The following CEP44 variants were observed in gnomAD, a reference collection of about 807,000 sequenced individuals.
CEP44 encodes the protein centrosomal protein 44, also known as centrosomal protein of 44 kDa.
In CEP44, 45 loss-of-function variants were observed where a neutral mutation model predicts 46.7. That is an observed-to-expected ratio of 0.96 (90% CI 0.76 to 1.24). The LOEUF (loss-of-function observed/expected upper bound fraction) is 1.24, where lower values mean the gene tolerates loss of function less well. CEP44 is among the 50% of genes most tolerant of loss of function. The pLI, the probability that CEP44 is intolerant of heterozygous loss-of-function variation, is 0.00. For missense variants in CEP44, 475 were observed against 459.7 expected (o/e 1.03, Z -0.30); for synonymous variants, 142 against 146.0 (o/e 0.97, Z 0.20).
chr4:174,302,588 T>C (rs891389619), intron 4 of CEP44, among the ~76,000 whole-genome samples: 32 of 152,096 alleles, frequency 2.1e-4, no homozygotes, highest in African/African-American at 7.7e-4. Context: ...TAAACTGATA[T>C]ATTCTTTGAG....
chr4:174,308,882 A>G lies in CEP44; in HGVS notation c.678+23A>G, dbSNP rs908825780. ...CAGGTAACAACTTTGGACTTTTTAA[A>G]TAGATGCCAGTATTTTTTACTTAAA... is the stretch of plus-strand genomic sequence containing the variant. On this transcript the variant is annotated intron_variant, in intron 7 of 11. Transcript: ENST00000503780. 27 of 1,601,998 alleles carry G rather than the reference A, an allele frequency of 1.7e-5. No individual in the cohort carries two copies. In the Admixed American group the frequency reaches 3.1e-4, roughly 18 times the overall value.
intron 11 of CEP44, among the ~76,000 whole-genome samples, 200 bp from the exon 12 acceptor site, chr4:174,317,135 C>T (rs1741823741): frequency 6.6e-6 from 1 of 151,950 alleles, no homozygotes; most frequent in African/African-American, 2.4e-5. Context: ...ACTTAACTTA[C>T]ACTTCAAGAA....
At position 174,310,781 on chromosome 4, in the gene CEP44, A is replaced by T; in HGVS notation, c.886-2A>T. ...TCTAAATATTTAACTGTGTTATTCC[A>T]GAATGATGAATTTATAGAGTTTAAT... is the stretch of plus-strand genomic sequence containing the variant. On this transcript the variant is annotated splice_acceptor_variant, in intron 8 of 11. Transcript: ENST00000503780. LOFTEE classifies it high-confidence loss of function. This position sits in a 1 kb window ranked among gnomAD's most constrained non-coding sequence, Gnocchi z 4.2. 1 of 1,380,254 alleles carries T rather than the reference A, an allele frequency of 7.2e-7. No homozygotes were observed. The highest frequency in any genetic ancestry group is 2.0e-5 in the Admixed American group (1 of 50,732). 85.5% of individuals were successfully genotyped at this position (1,380,254 alleles called of 1,614,324 possible). A position where few individuals can be genotyped will look rare whatever the true frequency, so the allele number is the denominator to read the frequency against.
rs1191538156 is a variant in CEP44, at chr4:174,310,922, A to T, written c.961+64A>T. ...TTTCAGAAAAATGATTGTTATAGTA[A>T]TTTTAATATTCTTAAGCTTTATTGT... On this transcript the variant is annotated intron_variant, in intron 9 of 11. Transcript: ENST00000503780. This position sits in a 1 kb window ranked among gnomAD's most constrained non-coding sequence, Gnocchi z 4.2. 1.5e-5 allele frequency: 11 copies of T among 755,692 alleles called. No homozygotes were observed. The highest frequency in any genetic ancestry group is 1.8e-5 in the Non-Finnish European group (8 of 446,994). 46.8% of individuals were successfully genotyped at this position (755,692 alleles called of 1,614,324 possible). A position where few individuals can be genotyped will look rare whatever the true frequency, so the allele number is the denominator to read the frequency against.
Position 174,308,876 on chromosome 4 carries a change from T to A in CEP44, c.678+17T>A, listed in dbSNP as rs756241798. 2.5e-6 allele frequency: 4 copies of A among 1,605,896 alleles called. No homozygotes were observed. The highest frequency in any genetic ancestry group is 3.4e-6 in the Non-Finnish European group (4 of 1,176,458). ...GAGCAACAGGTAACAACTTTGGACT[T>A]TTTAAATAGATGCCAGTATTTTTTA... On this transcript the variant is annotated intron_variant, in intron 7 of 11. Transcript: ENST00000503780.
chr4:174,326,128 C>T lies in CEP44; in HGVS notation c.1087-5354C>T, dbSNP rs939804159. Among the ~76,000 whole-genome samples, 1 of 151,912 alleles carries T rather than the reference C, an allele frequency of 6.6e-6. No individual in the cohort carries two copies. Among genetic ancestry groups the T allele is most frequent in the East Asian group, 1.9e-4 (1 of 5,180 alleles). On this transcript the variant is annotated intron_variant, in intron 8 of 8. Coordinates refer to the CEP44 transcript ENST00000426172. This position sits in a 1 kb window ranked among gnomAD's most constrained non-coding sequence, Gnocchi z 4.8. ...TTCTGTTTTTATCATTTGTTCTTAG[C>T]TGCTTTTTTGCCTCTTTTCCTGAAT...
chr4:174,315,171 G>T (rs574119889), intron 9 of CEP44, among the ~76,000 whole-genome samples: 4 of 151,872 alleles, frequency 2.6e-5, no homozygotes, highest in African/African-American at 7.3e-5. Context: ...CCCAATTAAG[G>T]TTGTCTGTGT....
intron 8 of CEP44, among the ~76,000 whole-genome samples, chr4:174,327,603 A>G (rs1426999930): frequency 2.0e-5 from 3 of 152,098 alleles, no homozygotes; most frequent in Non-Finnish European, 2.9e-5. Flanking sequence ...TTGTAGGGCA[A>G]ATAGGCTAAT....
chr4:174,305,441 G>A (rs1189112760), intron 6 of CEP44, among the ~76,000 whole-genome samples: 3 of 152,096 alleles, frequency 2.0e-5, no homozygotes, highest in Non-Finnish European at 4.4e-5. Flanking sequence ...CTGACAGAGC[G>A]AGACTCCATC....
At chr4:174,299,260 G>A (rs1292710967) in intron 3 of CEP44, 50 bp downstream of exon 3, 3 of 1,471,278 alleles carry the variant, frequency 2.0e-6, no homozygotes, top group South Asian at 1.3e-5. Flanking sequence ...AGTGATTTGA[G>A]ATGATATTTA....
Position 174,302,025 on chromosome 4 carries a change from T to G in CEP44, c.90-14T>G, listed in dbSNP as rs764156268. On this transcript the variant is annotated splice_polypyrimidine_tract_variant and intron_variant, in intron 3 of 11. Coordinates refer to ENST00000503780, the MANE Select transcript of CEP44 (RefSeq NM_001040157.3). ...AAATGCTTATTAAAAATATTTTTCTTTTTTTCCTAACAGTTTGATAAAGGG... is the reference window on the plus strand; with the variant it reads ...AAATGCTTATTAAAAATATTTTTCTGTTTTTCCTAACAGTTTGATAAAGGG... The G allele has an allele frequency of 7.6e-6, 12 of 1,575,238 alleles. No homozygotes were observed. The East Asian group carries it at 2.5e-4, about 33-fold the overall frequency.
chr4:174,304,155 C>T, intron 5 of CEP44, 92 bp from the exon 6 acceptor site: 1 of 1,355,590 alleles, frequency 7.4e-7, no homozygotes, highest in Non-Finnish European at 9.9e-7. Context: ...AGCTATATTT[C>T]ATATATGAAA....
chr4:174,329,110 A>AT lies in CEP44; in HGVS notation c.1087-2363dup, dbSNP rs931316052. Among the ~76,000 whole-genome samples the AT allele has an allele frequency of 2.4e-4, 37 of 151,358 alleles. No individual in the cohort carries two copies. Among genetic ancestry groups the AT allele is most frequent in the African/African-American group, 6.8e-4 (28 of 41,294 alleles). ...TACAGATGTGTGCCACTGCACCTGG[A>AT]TTTTTTTTTATTGGTATTTTTTCGG... On this transcript the variant is annotated intron_variant, in intron 8 of 8. Transcript: ENST00000426172. The surrounding 1 kb of genome is among the most constrained non-coding windows in gnomAD (Gnocchi z 4.0).
At chr4:174,285,230 T>C (rs989731346) in intron 1 of CEP44, among the ~76,000 whole-genome samples, 3 of 152,240 alleles carry the variant, frequency 2.0e-5, no homozygotes, top group African/African-American at 4.8e-5. Context: ...GTATTTTTCA[T>C]TAATGAAAGT....
At chr4:174,323,725 G>A (rs767243480), downstream of CEP44, among the ~76,000 whole-genome samples, 6 of 152,210 alleles carry the variant, frequency 3.9e-5, no homozygotes, top group South Asian at 4.1e-4. Context: ...TAGGATCCAC[G>A]TTCGCAAGAT....
chr4:174,331,579 C>A lies in CEP44; in HGVS notation c.1184C>A (p.Pro395His). The A allele has an allele frequency of 1.3e-6, 2 of 1,551,338 alleles. No homozygotes were observed. The highest frequency in any genetic ancestry group is 1.2e-5 in the South Asian group (1 of 84,032). Residue 395 changes from proline (P) to histidine (H), a missense_variant, in exon 9 of 9, where the codon CCT (proline) becomes CAT (histidine). Physicochemically the swap from Pro to His is moderately conservative, Grantham distance 77. Coordinates refer to the CEP44 transcript ENST00000426172. This position sits in a 1 kb window ranked among gnomAD's most constrained non-coding sequence, Gnocchi z 4.5. ...CTTTCATCACAGAGCTTTGCTTGGC[C>A]TCTCTCCTGTGTGTAATCTCTGTTT... is the stretch of plus-strand genomic sequence containing the variant.
In CEP44 at chr4:174,302,063, A is replaced by C; in HGVS notation, c.114A>C (p.Ala38=). Residue 38 remains alanine (A), a synonymous_variant, in exon 4 of 12, where the codon GCA becomes GCC. Coordinates refer to ENST00000503780, the MANE Select transcript of CEP44 (RefSeq NM_001040157.3). ...CVGLIKGDPA[A]SLPIISYSFT... is the part of the protein sequence containing the mutation. ...GTTTGATAAAGGGAGACCCAGCAGCATCTTTGCCCATCATCAGCTATTCTT... is the reference window on the plus strand; with the variant it reads ...GTTTGATAAAGGGAGACCCAGCAGCCTCTTTGCCCATCATCAGCTATTCTT... 1.2e-6 allele frequency: 2 copies of C among 1,607,610 alleles called. No homozygotes were observed. The highest frequency in any genetic ancestry group is 1.7e-5 in the Admixed American group (1 of 58,302).
Position 174,308,807 on chromosome 4 carries a change from C to T in CEP44, c.626C>T (p.Thr209Ile). ...GTTGATGTGTCTGACTTAAATGCTA[C>T]TGAAATAAAGATGCCTGAAGTAAAG... ...EAVDVSDLNA[T>I]EIKMPEVKVP... The change falls in exon 7 of 12, where the codon ACT becomes ATT. Residue 209 changes from threonine to isoleucine, a missense_variant. Physicochemically the swap from Thr to Ile is moderately conservative, Grantham distance 89 (BLOSUM62 -1). Transcript: ENST00000503780. The T allele has an allele frequency of 6.2e-7, 1 of 1,613,272 alleles. No individual in the cohort carries two copies. Among genetic ancestry groups the T allele is most frequent in the Non-Finnish European group, 8.5e-7 (1 of 1,179,434 alleles).
At position 174,303,785 on chromosome 4, in the gene CEP44, A is replaced by T. The variant is rs1740037338; in HGVS notation, c.320A>T (p.Gln107Leu). ...TGTGGGTTTGCAGAATGGAAAATCC[A>T]AATTGTTTGTGATATTTTGAATTGT... ...IQCGFAEWKI[Q>L]IVCDILNCVM... The change falls in exon 5 of 12, where the codon CAA becomes CTA. Residue 107 changes from glutamine (Q) to leucine (L), a missense_variant. Physicochemically the swap from Gln to Leu is moderately radical, Grantham distance 113. Coordinates refer to ENST00000503780, the MANE Select transcript of CEP44 (RefSeq NM_001040157.3). The T allele has an allele frequency of 1.3e-6, 2 of 1,578,082 alleles. No homozygotes were observed.
Sources: gnomAD v4.1 joint callset for allele counts (sites outside exome capture counted in the v4.1 genomes callset) on GRCh38, gnomAD v4.1.1 for gene constraint, Gnocchi (gnomAD v3.1) non-coding constraint, MANE v1.5 for transcripts, NCBI Gene and HGNC (gene_info 2026-07-23, HGNC 2026-07-21) for gene names.